Variants in PHACTR3 observed in about 807,000 individuals in gnomAD.
PHACTR3 encodes protein phosphatase 1, regulatory subunit 123.
PHACTR3 carries 16 observed loss-of-function variants against 66.8 expected under a neutral mutation model. The observed-to-expected ratio is 0.24, with a 90% confidence interval of 0.16 to 0.36. The LOEUF (loss-of-function observed/expected upper bound fraction) is 0.36. PHACTR3 is among the 10% of genes least tolerant of loss of function. The pLI is 1.00. For missense variants in PHACTR3, 647 were observed against 719.9 expected (o/e 0.90, Z 1.16); for synonymous variants, 323 against 292.1 (o/e 1.11, Z -1.08).
At position 59,825,765 on chromosome 20, in the gene PHACTR3, G is replaced by A. The variant is rs2042172195; in HGVS notation, c.1329-10740G>A. Among the ~76,000 whole-genome samples, 3 of 152,270 alleles carry A rather than the reference G, an allele frequency of 2.0e-5. No homozygotes were observed. The South Asian group carries it at 6.2e-4, about 32-fold the overall frequency. On this transcript the variant is annotated intron_variant, in intron 8 of 12. Transcript: ENST00000371015. ...AAGGGCCCAGGCAGAGGCGCTGGGTGGGAATCAGCTTGGCATGTGCTGTGG... is the reference window on the plus strand; with the variant it reads ...AAGGGCCCAGGCAGAGGCGCTGGGTAGGAATCAGCTTGGCATGTGCTGTGG...
intron 4 of PHACTR3, 78 bp from the exon 5 acceptor site, chr20:59,767,108 C>T: frequency 6.9e-7 from 1 of 1,456,480 alleles, no homozygotes; most frequent in Non-Finnish European, 9.5e-7. Flanking sequence ...TCCCACCAAA[C>T]CCTCTTGCTT....
chr20:59,629,782 G>T (rs2146389052), intron 1 of PHACTR3, among the ~76,000 whole-genome samples: 1 of 152,344 alleles, frequency 6.6e-6, no homozygotes, highest in Non-Finnish European at 1.5e-5. Flanking sequence ...CAGTTGCAGT[G>T]GGTGGCACCG....
In PHACTR3 at chr20:59,829,493, G is replaced by T. The variant is rs902664976; in HGVS notation, c.1329-7012G>T. Among the ~76,000 whole-genome samples, 1 of 152,186 alleles carries T rather than the reference G, an allele frequency of 6.6e-6. No individual in the cohort carries two copies. The highest frequency in any genetic ancestry group is 1.9e-4 in the East Asian group (1 of 5,180). Reference sequence around the variant, plus strand: ...CATAGGGTCAATGTGCCTGTCATCCGTGCACCCAGATGGTGTGCGCCTGGG... The same window carrying T: ...CATAGGGTCAATGTGCCTGTCATCCTTGCACCCAGATGGTGTGCGCCTGGG... On this transcript the variant is annotated intron_variant, in intron 8 of 12. Transcript: ENST00000371015. This position sits in a 1 kb window ranked among gnomAD's most constrained non-coding sequence, Gnocchi z 4.2.
At chr20:59,786,076 T>G (rs2040904528) in intron 7 of PHACTR3, among the ~76,000 whole-genome samples, 1 of 152,342 alleles carries the variant, frequency 6.6e-6, no homozygotes, top group East Asian at 1.9e-4. Context: ...AACTTCTGAG[T>G]CAGTTCGGTG....
At chr20:59,665,658 G>A (rs2035959728) in intron 1 of PHACTR3, among the ~76,000 whole-genome samples, 1 of 152,108 alleles carries the variant, frequency 6.6e-6, no homozygotes, top group Admixed American at 6.6e-5. Flanking sequence ...GGGGGTCTGG[G>A]TTGAATTGGA....
At position 59,674,828 on chromosome 20, in the gene PHACTR3, C is replaced by T. The variant is rs1221493341; in HGVS notation, c.119-68279C>T. On this transcript the variant is annotated intron_variant, in intron 1 of 12. Coordinates refer to ENST00000371015, the MANE Select transcript of PHACTR3 (RefSeq NM_080672.5). ...CCACCTTCTCCTGTCCCCCACTTCTCCTGTTTCTGCCTTCTCCTGCCTTCT... is the reference window on the plus strand; with the variant it reads ...CCACCTTCTCCTGTCCCCCACTTCTTCTGTTTCTGCCTTCTCCTGCCTTCT... Among the ~76,000 whole-genome samples, 41 of 69,430 alleles carry T rather than the reference C, an allele frequency of 5.9e-4. 2 individuals are homozygous for T. The highest frequency in any genetic ancestry group is 2.9e-3 in the African/African-American group (37 of 12,978). The allele number at this position is 69,430 out of a possible 152,430, so 45.5% of individuals were successfully genotyped here. A position where few individuals can be genotyped will look rare whatever the true frequency, so the allele number is the denominator to read the frequency against.
chr20:59,821,051 A>T (rs796385435), intron 8 of PHACTR3, among the ~76,000 whole-genome samples: 15 of 152,326 alleles, frequency 9.8e-5, no homozygotes, highest in African/African-American at 3.6e-4. Flanking sequence ...GCTCACTAAC[A>T]TGTATGAAAC....
intron 1 of PHACTR3, among the ~76,000 whole-genome samples, chr20:59,621,339 G>C (rs915091961): frequency 3.7e-4 from 56 of 152,362 alleles, no homozygotes; most frequent in African/African-American, 1.3e-3. Context: ...CCAGACTCCT[G>C]CTCTTGCCCT....
chr20:59,730,223 C>A (rs1433483756), intron 1 of PHACTR3, among the ~76,000 whole-genome samples: 1 of 152,066 alleles, frequency 6.6e-6, no homozygotes, highest in South Asian at 2.1e-4. Context: ...TGCTGAAGGC[C>A]ATGGTGGAAA....
At chr20:59,845,432 C>A (rs2059130553) in intron 12 of PHACTR3, among the ~76,000 whole-genome samples, 167 bp downstream of exon 12, 1 of 152,124 alleles carries the variant, frequency 6.6e-6, no homozygotes, top group East Asian at 1.9e-4. Context: ...TGCCTGCTCC[C>A]ATTATTTCCT....
chr20:59,841,382 T>A lies in PHACTR3; in HGVS notation c.1447-13T>A. The A allele has an allele frequency of 6.2e-7, 1 of 1,606,946 alleles. No homozygotes were observed. Among genetic ancestry groups the A allele is most frequent in the Non-Finnish European group, 8.5e-7 (1 of 1,175,996 alleles). ...GGCATGTGATACTTAACTATGATGA[T>A]CTTTAATTTTAGCTTAATCAGAGAC... On this transcript the variant is annotated splice_polypyrimidine_tract_variant and intron_variant, in intron 10 of 12. Transcript: ENST00000371015.
At chr20:59,673,922 G>T (rs2036281509) in intron 1 of PHACTR3, among the ~76,000 whole-genome samples, 1 of 152,194 alleles carries the variant, frequency 6.6e-6, no homozygotes, top group Non-Finnish European at 1.5e-5. Context: ...AGGAAGGCCG[G>T]ATCAAGCTGG....
chr20:59,781,733 A>T (rs1041033229), intron 7 of PHACTR3, among the ~76,000 whole-genome samples: 98 of 152,214 alleles, frequency 6.4e-4, no homozygotes, highest in African/African-American at 2.2e-3. Context: ...AGGTGACCCG[A>T]GAGAGTGACT....
At chr20:59,800,006 A>G (rs1383102907) in intron 7 of PHACTR3, among the ~76,000 whole-genome samples, 1 of 152,098 alleles carries the variant, frequency 6.6e-6, no homozygotes, top group African/African-American at 2.4e-5. Flanking sequence ...GTTATAGCAT[A>G]CCTCTCTTAT....
chr20:59,743,656 C>T (rs7273133), intron 2 of PHACTR3, among the ~76,000 whole-genome samples: 11,214 of 152,258 alleles, frequency 0.074, 1,229 homozygotes, highest in African/African-American at 0.24. Context: ...CCAGCCCACG[C>T]GACTCCCGCA....
At chr20:59,598,351 C>A (rs1196708593) in intron 1 of PHACTR3, among the ~76,000 whole-genome samples, 1 of 152,212 alleles carries the variant, frequency 6.6e-6, no homozygotes, top group Non-Finnish European at 1.5e-5. Context: ...GTCAAATGCC[C>A]ACACCCTGTA....
At chr20:59,704,410 A>C (rs1425011442) in intron 1 of PHACTR3, among the ~76,000 whole-genome samples, 3 of 152,128 alleles carry the variant, frequency 2.0e-5, no homozygotes, top group Admixed American at 2.0e-4. Flanking sequence ...AAGAGAAAGC[A>C]ACCTGCTTTC....
intron 4 of PHACTR3, among the ~76,000 whole-genome samples, chr20:59,760,646 C>G (rs1420248674): frequency 3.3e-5 from 5 of 152,172 alleles, no homozygotes; most frequent in Non-Finnish European, 5.9e-5. Flanking sequence ...CATTAAACTT[C>G]TTTTTCTTTA....
chr20:59,608,659 A>G (rs986198378), intron 1 of PHACTR3, among the ~76,000 whole-genome samples: 3 of 152,092 alleles, frequency 2.0e-5, no homozygotes, highest in African/African-American at 7.2e-5. Context: ...CTCACCAGCC[A>G]TCCCCTGTCC....
Sources: allele counts gnomAD v4.1 joint callset (sites outside exome capture counted in the v4.1 genomes callset), GRCh38; gene constraint gnomAD v4.1.1; non-coding constraint Gnocchi (gnomAD v3.1); transcripts MANE v1.5; gene names NCBI Gene and HGNC (gene_info 2026-07-23, HGNC 2026-07-21).